The following PLPPR3 variants were observed in gnomAD, a reference collection of about 807,000 sequenced individuals.
The protein encoded by PLPPR3 is phospholipid phosphatase related 3.
PLPPR3 carries 14 observed loss-of-function variants against 27.3 expected under a neutral mutation model. The ratio of observed to expected loss-of-function variants is 0.51; its 90% CI spans 0.34 to 0.80. PLPPR3 has a LOEUF of 0.80. PLPPR3 is among the 30% of genes least tolerant of loss of function. The pLI, the probability that PLPPR3 is intolerant of heterozygous loss-of-function variation, is 0.01. For missense variants in PLPPR3, 1,287 were observed against 1,056.9 expected (o/e 1.22, Z -3.02); for synonymous variants, 671 against 508.0 (o/e 1.32, Z -4.32).
intron 2 of PLPPR3, among the ~76,000 whole-genome samples, chr19:819,405 C>G (rs915103428): frequency 6.6e-6 from 1 of 151,490 alleles, no homozygotes; most frequent in Non-Finnish European, 1.5e-5. Flanking sequence ...CTCAGCCTCC[C>G]GAGTAGATGG....
rs1272161218 is a variant in PLPPR3, at chr19:813,802, G to C, written c.925C>G (p.Arg309Gly). 9 of 1,520,442 alleles carry C rather than the reference G, an allele frequency of 5.9e-6. No homozygotes were observed. The highest frequency in any genetic ancestry group is 7.9e-6 in the Non-Finnish European group (9 of 1,139,862). The allele number at this position is 1,520,442 out of a possible 1,614,324, so 94.2% of individuals were successfully genotyped here. A position where few individuals can be genotyped will look rare whatever the true frequency, so the allele number is the denominator to read the frequency against. ...AKDALRALTQRGHDSVYQQNK... is the reference protein window; with the variant it reads ...AKDALRALTQGGHDSVYQQNK... ...TGCTGATAAACCGAGTCGTGGCCCC[G>C]CTGCGTCAGGGCCCGCAGCGCGTCC... Residue 309 changes from arginine (R) to glycine (G), a missense_variant, in exon 8 of 8, where the codon CGG becomes GGG. Physicochemically the swap from Arg to Gly is moderately radical, Grantham distance 125. Coordinates refer to ENST00000520876, the MANE Select transcript of PLPPR3 (RefSeq NM_001270366.2). The surrounding 1 kb of genome is among the most constrained non-coding windows in gnomAD (Gnocchi z 4.1).
Position 815,001 on chromosome 19 carries a change from A to G in PLPPR3, c.484T>C (p.Phe162Leu). The change falls in exon 5 of 8, where the codon TTC (phenylalanine) becomes CTC (leucine). Residue 162 changes from phenylalanine (F) to leucine (L), a missense_variant. Coordinates refer to ENST00000520876, the MANE Select transcript of PLPPR3 (RefSeq NM_001270366.2). ...TAGTTGGGCTTGCAGACGGTGAGGA[A>G]GAAGGGAGTGTGGTAACCCGTGGCC... is the stretch of plus-strand genomic sequence containing the variant. Reference protein sequence around the residue: ...QLATGYHTPFFLTVCKPNYTL... With the variant: ...QLATGYHTPFLLTVCKPNYTL... The G allele has an allele frequency of 6.2e-7, 1 of 1,612,088 alleles. No individual in the cohort carries two copies. Among genetic ancestry groups the G allele is most frequent in the Non-Finnish European group, 8.5e-7 (1 of 1,179,936 alleles).
intron 7 of PLPPR3, among the ~76,000 whole-genome samples, 161 bp from the exon 8 acceptor site, chr19:814,056 C>T (rs2035005086): frequency 6.6e-6 from 1 of 152,146 alleles, no homozygotes; most frequent in Non-Finnish European, 1.5e-5. Flanking sequence ...CCCAGCACAT[C>T]GGGCAGGTCT....
chr19:813,942 TC>T lies in PLPPR3; in HGVS notation c.832-48del. 7 of 1,409,212 alleles carry T rather than the reference TC, an allele frequency of 5.0e-6. No individual in the cohort carries two copies. Among genetic ancestry groups the T allele is most frequent in the Non-Finnish European group, 5.5e-6 (6 of 1,089,346 alleles). 87.3% of individuals were successfully genotyped at this position (1,409,212 alleles called of 1,614,324 possible). A position where few individuals can be genotyped will look rare whatever the true frequency, so the allele number is the denominator to read the frequency against. On this transcript the variant is annotated intron_variant, in intron 7 of 7. Coordinates refer to ENST00000520876, the MANE Select transcript of PLPPR3 (RefSeq NM_001270366.2). This position sits in a 1 kb window ranked among gnomAD's most constrained non-coding sequence, Gnocchi z 4.1. Reference sequence around the variant, plus strand: ...GGGTGAGGCCTGGGGCTCAGAGGGCTCCTCCCCTGTGATCGTTGGACTTGCC... The same window carrying T: ...GGGTGAGGCCTGGGGCTCAGAGGGCTCTCCCCTGTGATCGTTGGACTTGCC...
At chr19:821,419 C>A in intron 2 of PLPPR3, 66 bp downstream of exon 2, 1 of 1,423,882 alleles carries the variant, frequency 7.0e-7, no homozygotes, top group Non-Finnish European at 9.4e-7. Flanking sequence ...TCCCCCAGCG[C>A]GGGGGTCTCT....
chr19:821,540 T>C lies in PLPPR3; in HGVS notation c.20A>G (p.Lys7Arg). Residue 7 changes from lysine to arginine, a missense_variant, in exon 2 of 8, where the codon AAG becomes AGG. Physicochemically the swap from Lys to Arg is conservative, Grantham distance 26 (BLOSUM62 2). Transcript: ENST00000520876. ...CATGCTGTCCTTCGGGATCTTGTTCTTCTCCTTGGTGGAGATCATGGTGCC... is the reference window on the plus strand; with the variant it reads ...CATGCTGTCCTTCGGGATCTTGTTCCTCTCCTTGGTGGAGATCATGGTGCC... MISTKE[K>R]NKIPKDSMTL... 1 of 1,506,666 alleles carries C rather than the reference T, an allele frequency of 6.6e-7. No homozygotes were observed. The highest frequency in any genetic ancestry group is 8.9e-7 in the Non-Finnish European group (1 of 1,125,572). 93.3% of individuals were successfully genotyped at this position (1,506,666 alleles called of 1,614,324 possible). A position where few individuals can be genotyped will look rare whatever the true frequency, so the allele number is the denominator to read the frequency against.
At position 813,065 on chromosome 19, in the gene PLPPR3, G is replaced by C; in HGVS notation, c.1662C>G (p.Ala554=). 6.7e-7 allele frequency: 1 copy of C among 1,500,408 alleles called. No individual in the cohort carries two copies. Among genetic ancestry groups the C allele is most frequent in the East Asian group, 2.6e-5 (1 of 37,788 alleles). The allele number at this position is 1,500,408 out of a possible 1,614,324, so 92.9% of individuals were successfully genotyped here. A position where few individuals can be genotyped will look rare whatever the true frequency, so the allele number is the denominator to read the frequency against. ...KAPGAPGPKA[A]ETASSSSASS... ...TGGCGCTGGACGACGACGCCGTCTC[G>C]GCCGCCTTGGGGCCCGGCGCGCCCG... The change falls in exon 8 of 8, where the codon GCC becomes GCG. Residue 554 remains alanine (A), a synonymous_variant. Coordinates refer to ENST00000520876, the MANE Select transcript of PLPPR3 (RefSeq NM_001270366.2). The surrounding 1 kb of genome is among the most constrained non-coding windows in gnomAD (Gnocchi z 4.1).
chr19:821,115 A>T (rs2035137052), intron 2 of PLPPR3, among the ~76,000 whole-genome samples: 1 of 152,016 alleles, frequency 6.6e-6, no homozygotes, highest in Non-Finnish European at 1.5e-5. Context: ...GTGAACTCAG[A>T]CCCTGAGGCT....
At position 812,956 on chromosome 19, in the gene PLPPR3, G is replaced by C; in HGVS notation, c.1771C>G (p.Pro591Ala). 1 of 1,440,836 alleles carries C rather than the reference G, an allele frequency of 6.9e-7. No individual in the cohort carries two copies. The highest frequency in any genetic ancestry group is 3.3e-5 in the East Asian group (1 of 30,502). 89.3% of individuals were successfully genotyped at this position (1,440,836 alleles called of 1,614,324 possible). A position where few individuals can be genotyped will look rare whatever the true frequency, so the allele number is the denominator to read the frequency against. The part of the protein sequence containing the change: ...VTIDAHAPHH[P>A]VVHLSAGGAP... The stretch of plus-strand genomic sequence containing the variant: ...CCGCCGGCCGACAGGTGCACCACGG[G>C]GTGGTGCGGCGCGTGCGCGTCGATG... The change falls in exon 8 of 8, where the codon CCC (proline) becomes GCC (alanine). Residue 591 changes from proline to alanine, a missense_variant. Physicochemically the swap from Pro to Ala is conservative, Grantham distance 27 (BLOSUM62 -1). Coordinates refer to ENST00000520876, the MANE Select transcript of PLPPR3 (RefSeq NM_001270366.2).
chr19:812,969 G>T lies in PLPPR3; in HGVS notation c.1758C>A (p.His586Gln). 1.3e-6 allele frequency: 2 copies of T among 1,482,144 alleles called. No homozygotes were observed. 91.8% of individuals were successfully genotyped at this position (1,482,144 alleles called of 1,614,324 possible). A position where few individuals can be genotyped will look rare whatever the true frequency, so the allele number is the denominator to read the frequency against. ...DSASIVTIDA[H>Q]APHHPVVHLS... is the part of the protein sequence containing the mutation. Reference sequence around the variant, plus strand: ...GGTGCACCACGGGGTGGTGCGGCGCGTGCGCGTCGATGGTCACGATGCTGG... The same window carrying T: ...GGTGCACCACGGGGTGGTGCGGCGCTTGCGCGTCGATGGTCACGATGCTGG... The change falls in exon 8 of 8, where the codon CAC (histidine) becomes CAA (glutamine). Residue 586 changes from histidine (H) to glutamine (Q), a missense_variant. Physicochemically the swap from His to Gln is conservative, Grantham distance 24. Transcript: ENST00000520876.
chr19:816,974 CCCATCCAT>C, intron 2 of PLPPR3, among the ~76,000 whole-genome samples: 1 of 146,860 alleles, frequency 6.8e-6, no homozygotes, highest in South Asian at 2.3e-4. Flanking sequence ...CCATTGATCA[CCCATCCAT>C]CCATCCATCT....
At chr19:823,766 G>C (rs1040923749), upstream of PLPPR3, among the ~76,000 whole-genome samples, 13 of 152,190 alleles carry the variant, frequency 8.5e-5, no homozygotes, top group African/African-American at 3.1e-4. Flanking sequence ...ATGCGATCCT[G>C]TTCCTCCCCA....
chr19:816,410 T>A (rs1177747122), intron 2 of PLPPR3, among the ~76,000 whole-genome samples: 1 of 46,914 alleles, frequency 2.1e-5, no homozygotes, highest in Non-Finnish European at 3.8e-5. Flanking sequence ...CATCCACCCA[T>A]TCTCCACCCA....
Position 812,541 on chromosome 19 carries a change from G to GGCCCCCCCCCC in PLPPR3, c.*28_*29insGGGGGGGGGGC. On this transcript the variant is annotated 3_prime_UTR_variant, in exon 8 of 8. Coordinates refer to ENST00000520876, the MANE Select transcript of PLPPR3 (RefSeq NM_001270366.2). The stretch of plus-strand genomic sequence containing the variant: ...GCGCGGCCGCCCGCGCCCTCGGCCC[G>GGCCCCCCCCCC]CCCCCCGCCCGCCCCCGGCCCCGCC... The GGCCCCCCCCCC allele has an allele frequency of 4.2e-5, 26 of 617,392 alleles. No individual in the cohort carries two copies. The highest frequency in any genetic ancestry group is 7.0e-5 in the South Asian group (1 of 14,282). 38.2% of individuals were successfully genotyped at this position (617,392 alleles called of 1,614,324 possible).
At chr19:814,041 G>A in intron 7 of PLPPR3, 146 bp from the exon 8 acceptor site, 1 of 765,930 alleles carries the variant, frequency 1.3e-6, no homozygotes, top group East Asian at 2.9e-5. Flanking sequence ...CCCCAAGGTT[G>A]CTGACCCAGC....
In PLPPR3 at chr19:813,991, TG is replaced by T; in HGVS notation, c.832-97del. 2 of 1,177,648 alleles carry T rather than the reference TG, an allele frequency of 1.7e-6. No homozygotes were observed. The highest frequency in any genetic ancestry group is 2.3e-6 in the Non-Finnish European group (2 of 879,884). The allele number at this position is 1,177,648 out of a possible 1,614,324, so 72.9% of individuals were successfully genotyped here. On this transcript the variant is annotated intron_variant, in intron 7 of 7. Coordinates refer to ENST00000520876, the MANE Select transcript of PLPPR3 (RefSeq NM_001270366.2). The surrounding 1 kb of genome is among the most constrained non-coding windows in gnomAD (Gnocchi z 4.1). ...GCCGCGGGGGGCTCTGGACCGGGGG[TG>T]GGGGCTGGCAAGCTCTTGTCCAGTG...
chr19:813,991 T>A lies in PLPPR3; in HGVS notation c.832-96A>T. On this transcript the variant is annotated intron_variant, in intron 7 of 7. Coordinates refer to ENST00000520876, the MANE Select transcript of PLPPR3 (RefSeq NM_001270366.2). This position sits in a 1 kb window ranked among gnomAD's most constrained non-coding sequence, Gnocchi z 4.1. ...GCCGCGGGGGGCTCTGGACCGGGGGTGGGGGCTGGCAAGCTCTTGTCCAGT... is the reference window on the plus strand; with the variant it reads ...GCCGCGGGGGGCTCTGGACCGGGGGAGGGGGCTGGCAAGCTCTTGTCCAGT... 1.7e-6 allele frequency: 2 copies of A among 1,177,660 alleles called. No homozygotes were observed. Among genetic ancestry groups the A allele is most frequent in the Non-Finnish European group, 2.3e-6 (2 of 879,896 alleles). 73.0% of individuals were successfully genotyped at this position (1,177,660 alleles called of 1,614,324 possible).
At chr19:814,328 C>T in intron 7 of PLPPR3, 106 bp downstream of exon 7, 1 of 1,172,278 alleles carries the variant, frequency 8.5e-7, no homozygotes, top group Non-Finnish European at 1.2e-6. Context: ...CCTCCCACCT[C>T]AGACCCCTGG....
In PLPPR3 at chr19:816,599, A is replaced by C. The variant is rs550543047; in HGVS notation, c.76-748T>G. Among the ~76,000 whole-genome samples the C allele has an allele frequency of 2.8e-5, 4 of 144,668 alleles. No homozygotes were observed. The East Asian group carries it at 8.9e-4, about 32-fold the overall frequency. 94.9% of individuals were successfully genotyped at this position (144,668 alleles called of 152,430 possible). A position where few individuals can be genotyped will look rare whatever the true frequency, so the allele number is the denominator to read the frequency against. On this transcript the variant is annotated intron_variant, in intron 2 of 7. Coordinates refer to ENST00000520876, the MANE Select transcript of PLPPR3 (RefSeq NM_001270366.2). ...CAGCCATTCATTCATCTATCCATCCATCCATCATCCACCCATTCATCATCC... is the reference window on the plus strand; with the variant it reads ...CAGCCATTCATTCATCTATCCATCCCTCCATCATCCACCCATTCATCATCC...
Sources: allele counts gnomAD v4.1 joint callset (sites outside exome capture counted in the v4.1 genomes callset), GRCh38; gene constraint gnomAD v4.1.1; non-coding constraint Gnocchi (gnomAD v3.1); transcripts MANE v1.5; gene names NCBI Gene and HGNC (gene_info 2026-07-23, HGNC 2026-07-21).